FHDC1: variants seen among roughly 807,000 people sequenced by gnomAD.
FHDC1 encodes FH2 domain containing 1.
FHDC1 carries 25 observed loss-of-function variants against 52.6 expected under a neutral mutation model. The observed-to-expected ratio is 0.48, with a 90% CI of 0.35 to 0.66. FHDC1 has a LOEUF of 0.66. Ranked by LOEUF, FHDC1 falls within the 30% of genes least tolerant of loss-of-function variation. The pLI is 0.01. For missense variants in FHDC1, 1,459 were observed against 1,452.8 expected (o/e 1.00, Z -0.07); for synonymous variants, 616 against 581.5 (o/e 1.06, Z -0.85).
rs1366513050 is a variant in FHDC1, at chr4:152,960,547, T to C, written c.664-18T>C. 1 of 1,604,226 alleles carries C rather than the reference T, an allele frequency of 6.2e-7. No homozygotes were observed. Among genetic ancestry groups the C allele is most frequent in the Admixed American group, 1.7e-5 (1 of 59,872 alleles). ...CGTAAGTGATTTTATATACCCCCCC[T>C]TTCCATTTGTCTTTTAGGTAAAGAA... is the stretch of plus-strand genomic sequence containing the variant. On this transcript the variant is annotated intron_variant, in intron 4 of 11. Transcript: ENST00000511601.
chr4:152,958,347 G>GTTCA (rs1740171045), intron 4 of FHDC1, among the ~76,000 whole-genome samples: 1 of 152,080 alleles, frequency 6.6e-6, no homozygotes, highest in African/African-American at 2.4e-5. Context: ...TATAGGGTCT[G>GTTCA]TTCACCTTTC....
chr4:152,975,841 G>T lies in FHDC1; in HGVS notation c.2550G>T (p.Arg850Ser). 6.6e-7 allele frequency: 1 copy of T among 1,517,114 alleles called. No homozygotes were observed. Among genetic ancestry groups the T allele is most frequent in the Non-Finnish European group, 8.8e-7 (1 of 1,134,248 alleles). 94.0% of individuals were successfully genotyped at this position (1,517,114 alleles called of 1,614,324 possible). ...CCAGCTGCAAGGGCGGCCTGCCCAGGGACAAACCCACCAAAAGGAAAGATG... is the reference window on the plus strand; with the variant it reads ...CCAGCTGCAAGGGCGGCCTGCCCAGTGACAAACCCACCAAAAGGAAAGATG... ...SEPSCKGGLP[R>S]DKPTKRKDVV... The change falls in exon 12 of 12, where the codon AGG (arginine) becomes AGT (serine). Residue 850 changes from arginine (R) to serine (S), a missense_variant. Arg to Ser is a moderately radical substitution (Grantham distance 110, BLOSUM62 -1). Transcript: ENST00000511601.
Position 152,975,122 on chromosome 4 carries a change from G to T in FHDC1, c.1831G>T (p.Ala611Ser), listed in dbSNP as rs143518164. 1.9e-6 allele frequency: 3 copies of T among 1,612,682 alleles called. No homozygotes were observed. Among genetic ancestry groups the T allele is most frequent in the South Asian group, 2.2e-5 (2 of 91,072 alleles). The change falls in exon 12 of 12, where the codon GCC (alanine) becomes TCC (serine). Residue 611 changes from alanine (A) to serine (S), a missense_variant. Physicochemically the swap from Ala to Ser is moderately conservative, Grantham distance 99 (BLOSUM62 1). Around this residue, in one of 3 missense-constraint regions of FHDC1, gnomAD observed 939 missense variants for 854.5 expected, o/e 1.10. Transcript: ENST00000511601. ...KPQASGGQEE[A>S]PNPPSAQAHQ... ...TCAGGCCTCGGGGGGCCAGGAGGAG[G>T]CCCCCAACCCACCCTCAGCACAGGC...
the FHDC1 span, among the ~76,000 whole-genome samples, chr4:152,913,730 G>A: frequency 6.6e-6 from 1 of 152,128 alleles, no homozygotes; most frequent in East Asian, 1.9e-4. Context: ...CCAGGCTGCG[G>A]TGCAATGGCG....
upstream of FHDC1, among the ~76,000 whole-genome samples, chr4:152,935,288 G>T (rs985205557): frequency 6.6e-6 from 1 of 152,172 alleles, no homozygotes; most frequent in African/African-American, 2.4e-5. Context: ...CAGGCATTAG[G>T]CTGGAAACGT....
intron 4 of FHDC1, among the ~76,000 whole-genome samples, chr4:152,955,126 C>T (rs1014194676): frequency 5.9e-5 from 9 of 151,930 alleles, no homozygotes; most frequent in Non-Finnish European, 1.2e-4. Flanking sequence ...TGAAAACAAT[C>T]ATTTTTGAAT....
intron 4 of FHDC1, among the ~76,000 whole-genome samples, chr4:152,958,373 C>G (rs1740173450): frequency 6.6e-6 from 1 of 152,156 alleles, no homozygotes; most frequent in African/African-American, 2.4e-5. Flanking sequence ...TACTTCCCTG[C>G]CGCTGTGAAG....
rs138300539 is a variant in FHDC1 at position 152,950,379 on chromosome 4, G to A, written c.499-3120G>A. Among the ~76,000 whole-genome samples the A allele has an allele frequency of 2.6e-4, 40 of 152,320 alleles. No homozygotes were observed. In the East Asian group the frequency reaches 7.1e-3, roughly 27 times the overall value. On this transcript the variant is annotated intron_variant, in intron 2 of 11. Transcript: ENST00000511601. ...TCCTCAGACACCAGGCAAATCTGAG[G>A]ATGCCGGGAGCGAGTGGGACTGTCC...
At chr4:152,925,935 A>G in the FHDC1 span, among the ~76,000 whole-genome samples, 11 of 152,000 alleles carry the variant, frequency 7.2e-5, no homozygotes, top group African/African-American at 2.7e-4. Context: ...AAACCAGGTA[A>G]CATAATACAA....
At chr4:152,923,823 G>A in the FHDC1 span, among the ~76,000 whole-genome samples, 2 of 152,062 alleles carry the variant, frequency 1.3e-5, no homozygotes, top group Non-Finnish European at 2.9e-5. Context: ...GCTGAAACTG[G>A]ATCCCTTCCT....
chr4:152,937,639 C>A (rs998893530), intron 1 of FHDC1, among the ~76,000 whole-genome samples: 1 of 151,590 alleles, frequency 6.6e-6, no homozygotes, highest in African/African-American at 2.4e-5. Context: ...GCCCCGCAGT[C>A]CCCGCCCCGC....
chr4:152,928,667 A>G, the FHDC1 span, among the ~76,000 whole-genome samples: 2 of 152,190 alleles, frequency 1.3e-5, no homozygotes, highest in African/African-American at 4.8e-5. Flanking sequence ...ATTGTGGAGC[A>G]TGTGGGGGAA....
chr4:152,922,793 G>A, the FHDC1 span, among the ~76,000 whole-genome samples: 1 of 151,976 alleles, frequency 6.6e-6, no homozygotes, highest in Non-Finnish European at 1.5e-5. Flanking sequence ...AAAGACCTTT[G>A]ACAAAATTCA....
chr4:152,952,579 T>C (rs558031920), intron 2 of FHDC1, among the ~76,000 whole-genome samples: 40 of 152,310 alleles, frequency 2.6e-4, no homozygotes, highest in African/African-American at 9.4e-4. Flanking sequence ...AACAACCCCT[T>C]ACATAACATA....
chr4:152,938,160 C>G (rs577990133), intron 1 of FHDC1, among the ~76,000 whole-genome samples: 2 of 151,194 alleles, frequency 1.3e-5, no homozygotes, highest in Admixed American at 1.3e-4. Context: ...TCCCTTCCCT[C>G]TCTCTAGAGC....
chr4:152,962,686 T>C (rs916846605), intron 6 of FHDC1, 128 bp from the exon 7 acceptor site: 2 of 687,614 alleles, frequency 2.9e-6, no homozygotes, highest in Non-Finnish European at 5.0e-6. Flanking sequence ...GTTTGTTTTT[T>C]CCGTTTTATA....
chr4:152,950,585 C>T (rs1739895650), intron 2 of FHDC1, among the ~76,000 whole-genome samples: 1 of 152,194 alleles, frequency 6.6e-6, no homozygotes, highest in Admixed American at 6.5e-5. Flanking sequence ...CTGGGCTGCC[C>T]CTGTGTTGGG....
At position 152,960,757 on chromosome 4, in the gene FHDC1, A is replaced by G; in HGVS notation, c.763A>G (p.Ile255Val). ...LIQVPNYSLR[I>V]EAMVLKKEFL... ...TTTATTTTTCAGCTATTCACTTCGG[A>G]TTGAAGCCATGGTGCTAAAGAAGGA... Residue 255 changes from isoleucine (I) to valine (V), a missense_variant, in exon 6 of 12, where the codon ATT becomes GTT. Around this residue, in one of 3 missense-constraint regions of FHDC1, gnomAD observed 513 missense variants for 581.5 expected, o/e 0.88. Coordinates refer to ENST00000511601, the MANE Select transcript of FHDC1 (RefSeq NM_001371116.1). 6.2e-7 allele frequency: 1 copy of G among 1,613,394 alleles called. No homozygotes were observed. Among genetic ancestry groups the G allele is most frequent in the South Asian group, 1.1e-5 (1 of 90,766 alleles).
chr4:152,962,689 G>A (rs890886862), intron 6 of FHDC1, 125 bp from the exon 7 acceptor site: 64 of 707,004 alleles, frequency 9.1e-5, no homozygotes, highest in Middle Eastern at 2.4e-4. Context: ...TGTTTTTTCC[G>A]TTTTATATAC....
Sources: allele counts gnomAD v4.1 joint callset (sites outside exome capture counted in the v4.1 genomes callset), GRCh38; gene constraint gnomAD v4.1.1; regional missense constraint gnomAD v4.1.1; transcripts MANE v1.5; gene names NCBI Gene and HGNC (gene_info 2026-07-23, HGNC 2026-07-21).